Variants in LSS observed in about 807,000 individuals in gnomAD.
The protein encoded by LSS is lanosterol synthase.
In LSS, 90 loss-of-function variants were observed where a neutral mutation model predicts 110.3. The ratio of observed to expected loss-of-function variants is 0.82; its 90% CI spans 0.69 to 0.97. The LOEUF (loss-of-function observed/expected upper bound fraction) is 0.97. LSS is among the 50% of genes least tolerant of loss of function. The pLI, the probability that LSS is intolerant of heterozygous loss-of-function variation, is 0.00. For synonymous variants in LSS, 433 were observed against 400.0 expected (o/e 1.08, Z -0.98); for missense variants, 927 against 990.0 (o/e 0.94, Z 0.85).
chr21:46,206,706 G>T lies in LSS; in HGVS notation c.1530C>A (p.His510Gln). ...CCGAGGGGTTCAGCAGCTCCAGCAA[G>T]TGCCCCCCACGCTTGGTCTCATAGG... ...FATYETKRGG[H>Q]LLELLNPSEV... Residue 510 changes from histidine to glutamine, a missense_variant, in exon 16 of 22, where the codon CAC becomes CAA. By Grantham distance (24) the His-to-Gln change is conservative. Transcript: ENST00000397728. 6.2e-7 allele frequency: 1 copy of T among 1,613,112 alleles called. No homozygotes were observed.
intron 17 of LSS, among the ~76,000 whole-genome samples, chr21:46,198,764 G>A (rs193159185): frequency 7.5e-6 from 1 of 133,768 alleles, no homozygotes; most frequent in East Asian, 2.2e-4. Context: ...AGAAACAAAG[G>A]CAACAAAATG....
At chr21:46,206,811 G>A (rs183886147) in intron 15 of LSS, 43 bp from the exon 16 acceptor site, 12 of 1,446,838 alleles carry the variant, frequency 8.3e-6, no homozygotes, top group Admixed American at 1.7e-5. Flanking sequence ...CATGTGCTGA[G>A]CACACACAGG....
chr21:46,216,352 C>G lies in LSS; in HGVS notation c.783+37G>C. 1.2e-6 allele frequency: 2 copies of G among 1,612,832 alleles called. No individual in the cohort carries two copies. Among genetic ancestry groups the G allele is most frequent in the Non-Finnish European group, 1.7e-6 (2 of 1,179,880 alleles). ...GCCCCAGGCCCTGTGGGTCCCAGCC[C>G]CAGAGGCCTTCACTTTGTTCCCTGA... On this transcript the variant is annotated intron_variant, in intron 7 of 21. Transcript: ENST00000397728. The surrounding 1 kb of genome is among the most constrained non-coding windows in gnomAD (Gnocchi z 4.2).
Position 46,219,710 on chromosome 21 carries a change from G to A in LSS, c.551-138C>T, listed in dbSNP as rs926988297. ...GCAAGGGCAGCCTCATGTGGATCTT[G>A]CGACCCCCATGTGCGAAGCAGGTTC... On this transcript the variant is annotated intron_variant, in intron 5 of 21. Coordinates refer to ENST00000397728, the MANE Select transcript of LSS (RefSeq NM_002340.6). 3 of 514,404 alleles carry A rather than the reference G, an allele frequency of 5.8e-6. No homozygotes were observed. The African/African-American group carries it at 6.0e-5, about 10-fold the overall frequency. The allele number at this position is 514,404 out of a possible 1,614,324, so 31.9% of individuals were successfully genotyped here. A position where few individuals can be genotyped will look rare whatever the true frequency, so the allele number is the denominator to read the frequency against.
At chr21:46,223,501 CCT>C (rs2080302089) in intron 3 of LSS, among the ~76,000 whole-genome samples, 1 of 152,152 alleles carries the variant, frequency 6.6e-6, no homozygotes. Flanking sequence ...CCAGACATGC[CCT>C]GTGTGGGCGG....
At chr21:46,208,963 A>G (rs2080090785) in intron 13 of LSS, among the ~76,000 whole-genome samples, 1 of 152,218 alleles carries the variant, frequency 6.6e-6, no homozygotes, top group African/African-American at 2.4e-5. Flanking sequence ...GGTTCCAGGC[A>G]GAGGGACACT....
At chr21:46,205,771 G>A (rs1412267298) in intron 17 of LSS, 65 bp downstream of exon 17, 2 of 1,271,064 alleles carry the variant, frequency 1.6e-6, no homozygotes, top group Admixed American at 2.2e-5. Flanking sequence ...GTCACAGAAT[G>A]ATGCGTCTGG....
At chr21:46,215,839 A>G (rs1408011325) in intron 7 of LSS, 46 bp from the exon 8 acceptor site, 1 of 1,339,978 alleles carries the variant, frequency 7.5e-7, no homozygotes, top group East Asian at 2.4e-5. Flanking sequence ...AGCACCTGGT[A>G]GGCCTGGCTC....
In LSS at chr21:46,216,571, G is replaced by A. The variant is rs373716664; in HGVS notation, c.648-47C>T. 1.7e-5 allele frequency: 26 copies of A among 1,499,062 alleles called. No homozygotes were observed. In the African/African-American group the frequency reaches 3.2e-4, roughly 18 times the overall value. 92.9% of individuals were successfully genotyped at this position (1,499,062 alleles called of 1,614,324 possible). Reference sequence around the variant, plus strand: ...GTGGGAGACCCCAAGACTCAAGCCTGCCCCCTCCGCCAGCATCCATACCTT... The same window carrying A: ...GTGGGAGACCCCAAGACTCAAGCCTACCCCCTCCGCCAGCATCCATACCTT... On this transcript the variant is annotated intron_variant, in intron 6 of 21. Transcript: ENST00000397728. This position sits in a 1 kb window ranked among gnomAD's most constrained non-coding sequence, Gnocchi z 4.2.
rs751752652 is a variant in LSS, at chr21:46,206,740, C to G, written c.1496G>C (p.Gly499Ala). 6.2e-7 allele frequency: 1 copy of G among 1,612,512 alleles called. No individual in the cohort carries two copies. Among genetic ancestry groups the G allele is most frequent in the South Asian group, 1.1e-5 (1 of 91,086 alleles). ...ACGCTTGGTCTCATAGGTGGCGAAC[C>G]CTCCATCTGGATTTCTCATGTTCAG... The part of the protein sequence containing the change: ...VLLNMRNPDG[G>A]FATYETKRGG... Residue 499 changes from glycine to alanine, a missense_variant, in exon 16 of 22, where the codon GGG becomes GCG. Transcript: ENST00000397728.
intron 2 of LSS, 116 bp from the exon 3 acceptor site, chr21:46,227,806 G>T: frequency 8.4e-7 from 1 of 1,185,122 alleles, no homozygotes; most frequent in Non-Finnish European, 1.2e-6. Context: ...TACTTTAAAA[G>T]TTTCAGCTGT....
chr21:46,198,388 C>T (rs138064222), intron 17 of LSS, among the ~76,000 whole-genome samples: 1 of 151,884 alleles, frequency 6.6e-6, no homozygotes, highest in African/African-American at 2.4e-5. Flanking sequence ...GTATAAACAA[C>T]AAAATATGTA....
At chr21:46,208,461 G>A (rs73144751) in intron 13 of LSS, among the ~76,000 whole-genome samples, 160 bp from the exon 14 acceptor site, 11 of 152,248 alleles carry the variant, frequency 7.2e-5, no homozygotes, top group Admixed American at 3.9e-4. Flanking sequence ...TGCGAGGCGC[G>A]CGAGGGCCTG....
intron 6 of LSS, among the ~76,000 whole-genome samples, chr21:46,217,289 G>T (rs1168979339): frequency 6.6e-6 from 1 of 151,508 alleles, no homozygotes; most frequent in African/African-American, 2.4e-5. Context: ...AGAAACTGTA[G>T]GTCTGTGGAA....
At chr21:46,217,887 C>T (rs2080227162) in intron 6 of LSS, among the ~76,000 whole-genome samples, 1 of 152,226 alleles carries the variant, frequency 6.6e-6, no homozygotes, top group African/African-American at 2.4e-5. Flanking sequence ...AACCTATGTG[C>T]TCTACGGCCC....
In LSS at chr21:46,196,282, T is replaced by C. The variant is rs963066706; in HGVS notation, c.1671-15A>G. 9 of 1,612,306 alleles carry C rather than the reference T, an allele frequency of 5.6e-6. No homozygotes were observed. In the African/African-American group the frequency reaches 6.7e-5, roughly 12 times the overall value. On this transcript the variant is annotated splice_polypyrimidine_tract_variant and intron_variant, in intron 17 of 21. Coordinates refer to ENST00000397728, the MANE Select transcript of LSS (RefSeq NM_002340.6). ...TGAGGGTCTCCCTGGAACACGAGAT[T>C]GGTCCAGTGAACATTCTGGTAAAAC... is the stretch of plus-strand genomic sequence containing the variant.
At chr21:46,222,235 A>G in intron 4 of LSS, 1 of 549,574 alleles carries the variant, frequency 1.8e-6, no homozygotes, top group Non-Finnish European at 3.3e-6. Context: ...CAACACTTCT[A>G]GCTCAAGGGC....
chr21:46,208,303 T>C lies in LSS; in HGVS notation c.1267-2A>G. 6.4e-7 allele frequency: 1 copy of C among 1,552,594 alleles called. No individual in the cohort carries two copies. Among genetic ancestry groups the C allele is most frequent in the South Asian group, 1.2e-5 (1 of 84,090 alleles). ...GTAGTCGGGAGGGTTATCTGGGACC[T>C]GGGCAGCATCGAGGGCAAATGTGGA... On this transcript the variant is annotated splice_acceptor_variant, in intron 13 of 21. Coordinates refer to ENST00000397728, the MANE Select transcript of LSS (RefSeq NM_002340.6). LOFTEE classifies it high-confidence loss of function.
intron 5 of LSS, among the ~76,000 whole-genome samples, chr21:46,221,331 CA>C (rs2080277221): frequency 6.8e-6 from 1 of 146,436 alleles, no homozygotes; most frequent in African/African-American, 2.5e-5. Flanking sequence ...AGGAAACAAA[CA>C]GAATTACCTG....
Sources: gnomAD v4.1 joint callset for allele counts (sites outside exome capture counted in the v4.1 genomes callset) on GRCh38, gnomAD v4.1.1 for gene constraint, Gnocchi (gnomAD v3.1) non-coding constraint, MANE v1.5 for transcripts, NCBI Gene and HGNC (gene_info 2026-07-23, HGNC 2026-07-21) for gene names.